Variants in GAD2 observed in about 807,000 individuals in gnomAD.
GAD2 encodes glutamate decarboxylase 2.
In GAD2, 22 loss-of-function variants were observed where a neutral mutation model predicts 80.1. The observed-to-expected ratio is 0.27, with a 90% CI of 0.20 to 0.39. The LOEUF (loss-of-function observed/expected upper bound fraction) is 0.39. GAD2 is among the 10% of genes least tolerant of loss of function. The probability of loss-of-function intolerance (pLI) is 1.00; values close to 1 mark genes in which losing one functional copy is unlikely to be tolerated. For missense variants in GAD2, 624 were observed against 738.4 expected, an observed-to-expected ratio of 0.85 and a Z score of 1.80; for synonymous variants, 274 against 256.9, an observed-to-expected ratio of 1.07 and a Z score of -0.64.
chr10:26,293,982 G>A (rs983461443), intron 15 of GAD2, among the ~76,000 whole-genome samples: 1 of 152,202 alleles, frequency 6.6e-6, no homozygotes, highest in Non-Finnish European at 1.5e-5. Flanking sequence ...GCTTTAAATG[G>A]TACTGTGGTA....
rs998746873 is a variant in GAD2 at position 26,224,434 on chromosome 10, G to A, written c.612-105G>A. 9 of 765,488 alleles carry A rather than the reference G, an allele frequency of 1.2e-5. No individual in the cohort carries two copies. The African/African-American group carries it at 1.6e-4, about 13-fold the overall frequency. The allele number at this position is 765,488 out of a possible 1,614,324, so 47.4% of individuals were successfully genotyped here. A position where few individuals can be genotyped will look rare whatever the true frequency, so the allele number is the denominator to read the frequency against. ...GCTTAATGTTATAATCATAACACTT[G>A]TAAATGTATGTTTTGAAAAAGGAAA... On this transcript the variant is annotated intron_variant, in intron 5 of 15. Coordinates refer to ENST00000376261, the MANE Select transcript of GAD2 (RefSeq NM_001134366.2).
Position 26,219,044 on chromosome 10 carries a change from C to T in GAD2, c.288C>T (p.Asp96=). ...TGGCATTTTAATTTCATTCTTTAGA[C>T]CTGCTGCCGGCGTGTGATGGAGAAA... ...DVNYAFLHAT[D]LLPACDGERP... Residue 96 remains aspartate, a splice_region_variant and synonymous_variant, in exon 4 of 16, where the codon GAC becomes GAT. Coordinates refer to ENST00000376261, the MANE Select transcript of GAD2 (RefSeq NM_001134366.2). 1 of 1,571,404 alleles carries T rather than the reference C, an allele frequency of 6.4e-7. No individual in the cohort carries two copies. The highest frequency in any genetic ancestry group is 1.9e-5 in the Admixed American group (1 of 52,530).
chr10:26,220,819 G>A (rs1844444399), intron 4 of GAD2, among the ~76,000 whole-genome samples: 1 of 152,212 alleles, frequency 6.6e-6, no homozygotes. Context: ...GCAGTCTACA[G>A]AGTTAAGATA....
At chr10:26,246,172 T>C (rs111510306) in intron 8 of GAD2, among the ~76,000 whole-genome samples, 172 bp downstream of exon 8, 23 of 152,330 alleles carry the variant, frequency 1.5e-4, no homozygotes, top group African/African-American at 5.5e-4. Flanking sequence ...TGCTCAGATG[T>C]GGTTCCTTGA....
chr10:26,228,222 A>G (rs1844553751), intron 6 of GAD2, among the ~76,000 whole-genome samples: 1 of 152,172 alleles, frequency 6.6e-6, no homozygotes, highest in Admixed American at 6.5e-5. Flanking sequence ...TCTTTCCTGA[A>G]TTGCAAACAT....
chr10:26,223,991 T>C lies in GAD2; in HGVS notation c.611+14T>C. The C allele has an allele frequency of 6.5e-7, 1 of 1,536,686 alleles. No homozygotes were observed. The highest frequency in any genetic ancestry group is 1.4e-5 in the African/African-American group (1 of 73,000). Reference sequence around the variant, plus strand: ...AAATACTAACATGTAAGTAGCCAAATGTGTTTTTATGTAATTTAGGATAAT... The same window carrying C: ...AAATACTAACATGTAAGTAGCCAAACGTGTTTTTATGTAATTTAGGATAAT... On this transcript the variant is annotated intron_variant, in intron 5 of 15. Transcript: ENST00000376261.
At chr10:26,281,652 G>A (rs1390344893) in intron 12 of GAD2, among the ~76,000 whole-genome samples, 1 of 152,116 alleles carries the variant, frequency 6.6e-6, no homozygotes, top group East Asian at 1.9e-4. Flanking sequence ...AACCAGAAAA[G>A]AGAAGCAGCA....
At chr10:26,292,873 A>G (rs762197571) in intron 14 of GAD2, 29 bp from the exon 15 acceptor site, 15 of 1,594,164 alleles carry the variant, frequency 9.4e-6, no homozygotes, top group Non-Finnish European at 1.2e-5. Context: ...AGCCTGGGCC[A>G]AATGTGAATC....
chr10:26,296,920 ATT>A (rs34714031), intron 15 of GAD2, among the ~76,000 whole-genome samples: 4 of 148,328 alleles, frequency 2.7e-5, no homozygotes, highest in East Asian at 2.0e-4. Context: ...GCATATTAGA[ATT>A]TTTTTTTTTT....
intron 3 of GAD2, among the ~76,000 whole-genome samples, chr10:26,218,547 T>TCACACACA (rs1330661129): frequency 1.7e-4 from 11 of 66,246 alleles, no homozygotes; most frequent in African/African-American, 3.4e-4. Flanking sequence ...TCTCTCTCTC[T>TCACACACA]CTCTCACACA....
At chr10:26,247,831 G>A (rs1844827419) in intron 8 of GAD2, among the ~76,000 whole-genome samples, 2 of 149,566 alleles carry the variant, frequency 1.3e-5, no homozygotes, top group Non-Finnish European at 3.0e-5. Flanking sequence ...AGTAGGCAGA[G>A]GTTGCAGTGA....
Position 26,229,236 on chromosome 10 carries a change from C to T in GAD2, c.725-426C>T, listed in dbSNP as rs115875334. Among the ~76,000 whole-genome samples the T allele has an allele frequency of 4.2e-3, 628 of 150,694 alleles. 3 individuals carry two copies. The highest frequency in any genetic ancestry group is 0.015 in the African/African-American group (600 of 40,958). On this transcript the variant is annotated intron_variant, in intron 6 of 15. Transcript: ENST00000376261. ...GTTGATTAGCAGCTTACACCAGTAA[C>T]AGCTGATTTATGTTAATCCAAATGC...
rs777498172 is a variant in GAD2 at position 26,293,004 on chromosome 10, A to G, written c.1584+13A>G. On this transcript the variant is annotated intron_variant, in intron 15 of 15. Transcript: ENST00000376261. ...TCGCCTCTCGAAGGTCAGTGCTCCA[A>G]GCTCCTCTGATACATGTGTGTATTG... is the stretch of plus-strand genomic sequence containing the variant. 8 of 1,591,886 alleles carry G rather than the reference A, an allele frequency of 5.0e-6. No homozygotes were observed. The East Asian group carries it at 8.9e-5, about 18-fold the overall frequency.
Position 26,273,697 on chromosome 10 carries a change from A to G in GAD2, c.1154A>G (p.Glu385Gly). ...RKHKWKLSGV[E>G]RANSVTWNPH... Reference sequence around the variant, plus strand: ...CACAAGTGGAAACTGAGTGGCGTGGAGAGGTATGTTGCATTTTTCTTATTA... The same window carrying G: ...CACAAGTGGAAACTGAGTGGCGTGGGGAGGTATGTTGCATTTTTCTTATTA... The change falls in exon 11 of 16, where the codon GAG becomes GGG. Residue 385 changes from glutamate to glycine, a missense_variant. Physicochemically the swap from Glu to Gly is moderately conservative, Grantham distance 98. Transcript: ENST00000376261. 1 of 1,613,476 alleles carries G rather than the reference A, an allele frequency of 6.2e-7. No individual in the cohort carries two copies. Among genetic ancestry groups the G allele is most frequent in the Admixed American group, 1.7e-5 (1 of 59,968 alleles).
At chr10:26,270,793 T>C (rs1564667619) in intron 10 of GAD2, 37 bp downstream of exon 10, 1 of 1,306,024 alleles carries the variant, frequency 7.7e-7, no homozygotes, top group East Asian at 2.3e-5. Flanking sequence ...TAAAACGTCC[T>C]TGCACGTTTT....
At chr10:26,256,540 A>G (rs550879251) in intron 8 of GAD2, among the ~76,000 whole-genome samples, 26 of 152,226 alleles carry the variant, frequency 1.7e-4, no homozygotes, top group African/African-American at 5.5e-4. Flanking sequence ...TTAATCTGCA[A>G]TGTTTCCTCT....
In GAD2 at chr10:26,300,452, A is replaced by G. The variant is rs8190795; in HGVS notation, c.1585-336A>G. 5.9e-5 allele frequency among the ~76,000 whole-genome samples: 9 copies of G among 152,144 alleles called. No individual in the cohort carries two copies. The South Asian group carries it at 1.5e-3, about 25-fold the overall frequency. ...ATGTTTTTACATTTACTGTGGGGGG[A>G]AAATGCCCCCAAACGTCTTGCTAAC... On this transcript the variant is annotated intron_variant, in intron 15 of 15. Transcript: ENST00000376261.
At chr10:26,281,586 C>CT (rs1299942465) in intron 12 of GAD2, among the ~76,000 whole-genome samples, 2 of 152,082 alleles carry the variant, frequency 1.3e-5, no homozygotes, top group Non-Finnish European at 2.9e-5. Context: ...TGATTACAGT[C>CT]TATCTATTTA....
chr10:26,268,296 G>A (rs1014081916), intron 8 of GAD2, among the ~76,000 whole-genome samples: 5 of 152,000 alleles, frequency 3.3e-5, no homozygotes, highest in South Asian at 4.1e-4. Flanking sequence ...GTGAAACCCC[G>A]TCTCTACTAA....
Sources: gnomAD v4.1 joint callset for allele counts (sites outside exome capture counted in the v4.1 genomes callset) on GRCh38, gnomAD v4.1.1 for gene constraint, MANE v1.5 for transcripts, NCBI Gene and HGNC (gene_info 2026-07-23, HGNC 2026-07-21) for gene names.